Variants in EIF3B observed in about 807,000 individuals in gnomAD.
The protein encoded by EIF3B is eukaryotic translation initiation factor 3 subunit B.
Under a neutral mutation model 104.6 loss-of-function variants are expected in EIF3B, and 10 were observed. The observed-to-expected ratio is 0.10, with a 90% CI of 0.06 to 0.16. The LOEUF (loss-of-function observed/expected upper bound fraction) is 0.16. EIF3B is among the 10% of genes least tolerant of loss of function. EIF3B has a pLI of 1.00. For missense variants in EIF3B, 1,014 were observed against 1,087.9 expected, an observed-to-expected ratio of 0.93 and a Z score of 0.96; for synonymous variants, 542 against 417.2, an observed-to-expected ratio of 1.30 and a Z score of -3.65.
rs1414980832 is a variant in EIF3B at position 2,366,380 on chromosome 7, G to C, written c.1221G>C (p.Trp407Cys). Reference protein sequence around the residue: ...TQDDPQAIIIWDILTGHKKRG... With the variant: ...TQDDPQAIIICDILTGHKKRG... ...ATGACCCTCAGGCCATAATCATCTG[G>C]GACATCCTTACGGGGCACAAGAAGA... is the stretch of plus-strand genomic sequence containing the variant. Residue 407 changes from tryptophan (W) to cysteine (C), a missense_variant, in exon 7 of 19, where the codon TGG (tryptophan) becomes TGC (cysteine). Transcript: ENST00000360876. 6.2e-7 allele frequency: 1 copy of C among 1,613,824 alleles called. No homozygotes were observed. Among genetic ancestry groups the C allele is most frequent in the African/African-American group, 1.3e-5 (1 of 74,860 alleles).
At chr7:2,370,024 G>A (rs1026710244) in intron 10 of EIF3B, among the ~76,000 whole-genome samples, 61 of 152,040 alleles carry the variant, frequency 4.0e-4, no homozygotes, top group African/African-American at 1.4e-3. Context: ...TGATCTGCCC[G>A]CCTTGGCCAC....
At chr7:2,362,251 C>G (rs1320004259) in intron 2 of EIF3B, among the ~76,000 whole-genome samples, 1 of 152,126 alleles carries the variant, frequency 6.6e-6, no homozygotes, top group Non-Finnish European at 1.5e-5. Context: ...TGAACCATTG[C>G]GCCCAGCCAA....
At chr7:2,365,427 C>T (rs1236243049) in intron 6 of EIF3B, among the ~76,000 whole-genome samples, 1 of 151,598 alleles carries the variant, frequency 6.6e-6, no homozygotes, top group Non-Finnish European at 1.5e-5. Flanking sequence ...GAAGGCAGTG[C>T]GAGGCGAGCT....
intron 9 of EIF3B, 97 bp downstream of exon 9, chr7:2,367,142 C>G: frequency 1.7e-6 from 2 of 1,161,766 alleles, no homozygotes; most frequent in Non-Finnish European, 2.4e-6. Context: ...GGCTGGGTGG[C>G]TTATGACAGC....
intron 3 of EIF3B, 38 bp downstream of exon 3, chr7:2,362,802 C>T (rs746288409): frequency 4.3e-6 from 7 of 1,612,044 alleles, no homozygotes; most frequent in South Asian, 2.2e-5. Flanking sequence ...TGGACGTTGA[C>T]GTGCAAGTGA....
At chr7:2,380,137 G>A (rs570509177) in intron 18 of EIF3B, 67 bp from the exon 19 acceptor site, 11 of 328,498 alleles carry the variant, frequency 3.3e-5, no homozygotes, top group South Asian at 4.6e-5. Context: ...GCCCCAAGGC[G>A]ATGTTCAGGG....
chr7:2,366,872 G>A (rs112108404), intron 8 of EIF3B, 127 bp from the exon 9 acceptor site: 36 of 1,018,926 alleles, frequency 3.5e-5, no homozygotes, highest in South Asian at 1.3e-4. Context: ...TCACTGTCAC[G>A]CTCTGTGTGC....
At position 2,363,103 on chromosome 7, in the gene EIF3B, A is replaced by G. The variant is rs1779827676; in HGVS notation, c.846A>G (p.Pro282=). ...CGATCAGTGACGAGTGGGATATTCC[A>G]GAGAAACAGCCTTTCAAAGACCTGG... ...YMTISDEWDI[P]EKQPFKDLGN... The change falls in exon 4 of 19, where the codon CCA becomes CCG. Residue 282 remains proline (P), a synonymous_variant. Transcript: ENST00000360876. 3 of 1,614,068 alleles carry G rather than the reference A, an allele frequency of 1.9e-6. 1 individual carries two copies. The African/African-American group carries it at 4.0e-5, about 22-fold the overall frequency.
At chr7:2,364,313 G>A (rs1039347132) in intron 5 of EIF3B, 59 bp from the exon 6 acceptor site, 1 of 1,418,912 alleles carries the variant, frequency 7.0e-7, no homozygotes, top group Admixed American at 2.4e-5. Flanking sequence ...TTCATTGTAG[G>A]AGGGGTCTTT....
chr7:2,378,466 TG>T, intron 15 of EIF3B: 1 of 218,894 alleles, frequency 4.6e-6, no homozygotes, highest in Non-Finnish European at 8.6e-6. Context: ...GTTGTGTGAA[TG>T]ACCCTGGGTG....
intron 12 of EIF3B, 38 bp from the exon 13 acceptor site, chr7:2,374,490 C>G: frequency 6.2e-7 from 1 of 1,606,200 alleles, no homozygotes; most frequent in Non-Finnish European, 8.5e-7. Flanking sequence ...ACTGTGGAAG[C>G]CCTCGCAGCT....
chr7:2,380,289 T>C lies in EIF3B; in HGVS notation c.*100T>C, dbSNP rs1282109209. 3.9e-6 allele frequency: 2 copies of C among 513,016 alleles called. No homozygotes were observed. Among genetic ancestry groups the C allele is most frequent in the South Asian group, 2.8e-5 (2 of 70,568 alleles). 31.8% of individuals were successfully genotyped at this position (513,016 alleles called of 1,614,324 possible). On this transcript the variant is annotated 3_prime_UTR_variant, in exon 19 of 19. Coordinates refer to ENST00000360876, the MANE Select transcript of EIF3B (RefSeq NM_001037283.2). ...GTTCCTCTGTTGCAGCGCAGCCGTGTGTGCTGTGGAGCCGAGGCCGTCCTG... is the reference window on the plus strand; with the variant it reads ...GTTCCTCTGTTGCAGCGCAGCCGTGCGTGCTGTGGAGCCGAGGCCGTCCTG...
intron 1 of EIF3B, among the ~76,000 whole-genome samples, chr7:2,358,868 T>TG: frequency 6.6e-6 from 1 of 152,298 alleles, no homozygotes; most frequent in South Asian, 2.1e-4. Context: ...CCAGCAGCCC[T>TG]GCGAGGCATT....
chr7:2,374,206 G>A (rs908306028), intron 12 of EIF3B: 6 of 228,106 alleles, frequency 2.6e-5, no homozygotes, highest in Admixed American at 5.1e-5. Flanking sequence ...GGGGTCACAC[G>A]TCTCTGACAT....
At position 2,358,161 on chromosome 7, in the gene EIF3B, G is replaced by A. The variant is rs1007044955; in HGVS notation, c.500-2549G>A. ...TCAGACTGGAGTGCAATGGCTCACCGCAGCCTCTGCCTCCCCGCTTCAAGC... is the reference window on the plus strand; with the variant it reads ...TCAGACTGGAGTGCAATGGCTCACCACAGCCTCTGCCTCCCCGCTTCAAGC... On this transcript the variant is annotated intron_variant, in intron 1 of 18. Transcript: ENST00000360876. 2.0e-5 allele frequency among the ~76,000 whole-genome samples: 3 copies of A among 151,820 alleles called. No individual in the cohort carries two copies. In the South Asian group the frequency reaches 6.3e-4, roughly 32 times the overall value.
intron 18 of EIF3B, 115 bp downstream of exon 18, chr7:2,379,626 G>A: frequency 1.4e-6 from 1 of 719,096 alleles, no homozygotes; most frequent in Non-Finnish European, 2.4e-6. Flanking sequence ...TGAAGCCCTA[G>A]TGTCATGTGC....
chr7:2,367,843 T>A (rs1780117728), intron 9 of EIF3B, among the ~76,000 whole-genome samples: 1 of 127,708 alleles, frequency 7.8e-6, no homozygotes, highest in South Asian at 2.8e-4. Context: ...TTTTTTTTTT[T>A]TTTTTTTTTT....
At chr7:2,366,641 C>G in intron 8 of EIF3B, 50 bp downstream of exon 8, 2 of 1,601,874 alleles carry the variant, frequency 1.2e-6, no homozygotes, top group Admixed American at 1.7e-5. Context: ...TTGCTTGTAA[C>G]CGGGGTGTGG....
intron 9 of EIF3B, among the ~76,000 whole-genome samples, chr7:2,367,701 C>G (rs946160395): frequency 1.8e-4 from 28 of 152,148 alleles, no homozygotes; most frequent in African/African-American, 6.3e-4. Flanking sequence ...AACTCCTGAC[C>G]TTGTGATCTG....
Sources: gnomAD v4.1 joint callset for allele counts (sites outside exome capture counted in the v4.1 genomes callset) on GRCh38, gnomAD v4.1.1 for gene constraint, MANE v1.5 for transcripts, NCBI Gene and HGNC (gene_info 2026-07-23, HGNC 2026-07-21) for gene names.